Variants in WLS observed in about 807,000 individuals in gnomAD.
The protein encoded by WLS is protein wntless homolog.
Under a neutral mutation model 62.8 loss-of-function variants are expected in WLS, and 23 were observed. The ratio of observed to expected loss-of-function variants is 0.37; its 90% confidence interval spans 0.26 to 0.52. The LOEUF (loss-of-function observed/expected upper bound fraction) is 0.52. Ranked by LOEUF, WLS falls within the 20% of genes least tolerant of loss-of-function variation. WLS has a pLI of 0.92. For synonymous variants in WLS, 246 were observed against 244.1 expected (o/e 1.01, Z -0.07); for missense variants, 615 against 697.3 (o/e 0.88, Z 1.33).
At chr1:68,115,984 G>A (rs970462493) in intron 11 of WLS, among the ~76,000 whole-genome samples, 7 of 152,252 alleles carry the variant, frequency 4.6e-5, no homozygotes, top group African/African-American at 1.2e-4. Context: ...CCTCCTGGTC[G>A]GGAGCTTCCA....
intron 11 of WLS, among the ~76,000 whole-genome samples, chr1:68,115,165 C>G (rs559241893): frequency 6.6e-6 from 1 of 152,314 alleles, no homozygotes; most frequent in East Asian, 1.9e-4. Context: ...CAGGAGGTCC[C>G]TCTGGGGCTC....
chr1:68,181,160 C>T (rs1185904046), intron 2 of WLS, among the ~76,000 whole-genome samples: 3 of 143,506 alleles, frequency 2.1e-5, no homozygotes, highest in African/African-American at 7.7e-5. Context: ...TTGTGAATTC[C>T]CCATAAAAGA....
chr1:68,213,471 A>T (rs1389534516), intron 1 of WLS, among the ~76,000 whole-genome samples: 1 of 150,652 alleles, frequency 6.6e-6, no homozygotes, highest in African/African-American at 2.4e-5. Context: ...AAAAAAAAAA[A>T]GGAAAGACGA....
At chr1:68,133,532 A>G (rs1646561908) in intron 11 of WLS, among the ~76,000 whole-genome samples, 1 of 152,170 alleles carries the variant, frequency 6.6e-6, no homozygotes, top group African/African-American at 2.4e-5. Flanking sequence ...GCACAAGGCT[A>G]AGTACTAAGG....
At chr1:68,120,642 A>G (rs1242098477), downstream of WLS, among the ~76,000 whole-genome samples, 7 of 152,170 alleles carry the variant, frequency 4.6e-5, no homozygotes, top group South Asian at 1.4e-3. Context: ...TTGGGGAGTG[A>G]TATGTAACTT....
chr1:68,163,178 C>T lies in WLS; in HGVS notation c.380-3931G>A, dbSNP rs112733799. 6.3e-6 allele frequency: 5 copies of T among 797,700 alleles called. No individual in the cohort carries two copies. In the South Asian group the frequency reaches 8.1e-5, roughly 13 times the overall value. The allele number at this position is 797,700 out of a possible 1,614,324, so 49.4% of individuals were successfully genotyped here. On this transcript the variant is annotated intron_variant, in intron 2 of 11. Transcript: ENST00000262348. ...AACTCGCAGGAGTCTCCGTGCATGA[C>T]GCCACTATGAACCCACTATAAATCT...
intron 2 of WLS, among the ~76,000 whole-genome samples, chr1:68,178,239 T>A (rs17542364): frequency 0.078 from 11,901 of 152,248 alleles, 503 homozygotes; most frequent in Admixed American, 0.1. Context: ...GTTTATGGAC[T>A]CCTTTGGGTA....
intron 11 of WLS, among the ~76,000 whole-genome samples, chr1:68,137,476 C>A (rs144248951): frequency 2.6e-5 from 4 of 152,040 alleles, no homozygotes; most frequent in African/African-American, 4.8e-5. Context: ...CAATTGTGCT[C>A]AAAAATGTAA....
intron 2 of WLS, among the ~76,000 whole-genome samples, chr1:68,179,935 G>A (rs1647455095): frequency 6.6e-6 from 1 of 152,110 alleles, no homozygotes; most frequent in Non-Finnish European, 1.5e-5. Flanking sequence ...CTTTGGCCAA[G>A]GGACCACTGC....
chr1:68,211,873 T>C (rs572109100), intron 1 of WLS, among the ~76,000 whole-genome samples: 1 of 152,326 alleles, frequency 6.6e-6, no homozygotes, highest in African/African-American at 2.4e-5. Flanking sequence ...TCTAGTGAAG[T>C]TGATTCTGCC....
chr1:68,166,843 A>C (rs1003530724), intron 2 of WLS, among the ~76,000 whole-genome samples: 2 of 152,196 alleles, frequency 1.3e-5, no homozygotes, highest in African/African-American at 4.8e-5. Flanking sequence ...TATGAGGTGA[A>C]GACGCCATAA....
At chr1:68,109,871 C>T (rs1447261292) in intron 11 of WLS, among the ~76,000 whole-genome samples, 1 of 151,620 alleles carries the variant, frequency 6.6e-6, no homozygotes, top group Non-Finnish European at 1.5e-5. Flanking sequence ...GAGATACCAG[C>T]AACAAACTTC....
chr1:68,171,992 G>A (rs983156171), intron 2 of WLS, among the ~76,000 whole-genome samples: 1 of 152,158 alleles, frequency 6.6e-6, no homozygotes, highest in African/African-American at 2.4e-5. Context: ...CATAACAAAG[G>A]ATGAGTTCAT....
downstream of WLS, among the ~76,000 whole-genome samples, chr1:68,124,696 A>T (rs1406861521): frequency 6.6e-6 from 1 of 152,200 alleles, no homozygotes; most frequent in Non-Finnish European, 1.5e-5. Flanking sequence ...GAAAAGGCCT[A>T]GAGAGAATAG....
At chr1:68,144,905 A>G (rs1056247920) in intron 9 of WLS, among the ~76,000 whole-genome samples, 1 of 152,210 alleles carries the variant, frequency 6.6e-6, no homozygotes, top group Non-Finnish European at 1.5e-5. Flanking sequence ...TATATTCACA[A>G]CACGTCGTGA....
Position 68,132,409 on chromosome 1 carries a change from T to C in WLS, c.1516+5371A>G, listed in dbSNP as rs549775975. ...CATGGGCAGATCATCTAATGTACAATCAGGGAGATGGCGTCAATAAAAGGG... is the reference window on the plus strand; with the variant it reads ...CATGGGCAGATCATCTAATGTACAACCAGGGAGATGGCGTCAATAAAAGGG... On this transcript the variant is annotated intron_variant, in intron 11 of 11. Coordinates refer to ENST00000262348, the MANE Select transcript of WLS (RefSeq NM_024911.7). Among the ~76,000 whole-genome samples, 24 of 152,212 alleles carry C rather than the reference T, an allele frequency of 1.6e-4. No homozygotes were observed. The South Asian group carries it at 5.0e-3, about 32-fold the overall frequency.
intron 1 of WLS, among the ~76,000 whole-genome samples, chr1:68,198,586 T>C (rs550736767): frequency 2.0e-5 from 3 of 152,162 alleles, no homozygotes; most frequent in Non-Finnish European, 4.4e-5. Flanking sequence ...GCTCACAGTA[T>C]ATTGTCCAAA....
chr1:68,114,628 G>C (rs1646267708), intron 11 of WLS, among the ~76,000 whole-genome samples: 3 of 152,182 alleles, frequency 2.0e-5, no homozygotes, highest in Non-Finnish European at 2.9e-5. Flanking sequence ...CTAGGTGACA[G>C]GCATCTGACT....
chr1:68,134,256 G>A (rs1261601807), intron 11 of WLS, among the ~76,000 whole-genome samples: 3 of 152,120 alleles, frequency 2.0e-5, no homozygotes, highest in African/African-American at 7.2e-5. Context: ...TGATCTGGTG[G>A]CAGATGAAGA....
Sources: gnomAD v4.1 joint callset for allele counts (sites outside exome capture counted in the v4.1 genomes callset) on GRCh38, gnomAD v4.1.1 for gene constraint, MANE v1.5 for transcripts, NCBI Gene and HGNC (gene_info 2026-07-23, HGNC 2026-07-21) for gene names.